Variants in EXOC2 observed in about 807,000 individuals in gnomAD.
EXOC2 encodes the protein SEC5-like 1.
Under a neutral mutation model 131.8 loss-of-function variants are expected in EXOC2, and 70 were observed. The ratio of observed to expected loss-of-function variants is 0.53; its 90% CI spans 0.44 to 0.65. The LOEUF (loss-of-function observed/expected upper bound fraction) is 0.65. Ranked by LOEUF, EXOC2 falls within the 30% of genes least tolerant of loss-of-function variation. EXOC2 has a pLI of 0.00. For missense variants in EXOC2, 923 were observed against 1,108.6 expected (o/e 0.83, Z 2.38); for synonymous variants, 411 against 398.4 (o/e 1.03, Z -0.38).
At chr6:635,888 C>A (rs1762077552) in intron 2 of EXOC2, among the ~76,000 whole-genome samples, 1 of 152,168 alleles carries the variant, frequency 6.6e-6, no homozygotes, top group Admixed American at 6.5e-5. Context: ...TGGTAAAACC[C>A]CATCTCTACT....
chr6:568,780 T>C (rs1241142116), intron 13 of EXOC2, among the ~76,000 whole-genome samples: 1 of 152,220 alleles, frequency 6.6e-6, no homozygotes, highest in Non-Finnish European at 1.5e-5. Context: ...TTTGTTCTAT[T>C]ACATATTTTT....
intron 27 of EXOC2, among the ~76,000 whole-genome samples, chr6:487,406 T>C (rs1356928020): frequency 6.6e-6 from 1 of 152,070 alleles, no homozygotes; most frequent in East Asian, 1.9e-4. Flanking sequence ...TACAGTCATC[T>C]AATTTTTTTT....
chr6:646,176 G>A (rs1271538341), intron 1 of EXOC2, among the ~76,000 whole-genome samples: 1 of 152,070 alleles, frequency 6.6e-6, no homozygotes. Flanking sequence ...TAGACAGTAT[G>A]GTACCAATAT....
At chr6:542,758 G>C (rs1259531337) in intron 22 of EXOC2, among the ~76,000 whole-genome samples, 3 of 152,226 alleles carry the variant, frequency 2.0e-5, no homozygotes, top group Non-Finnish European at 2.9e-5. Context: ...TTGAATGAGT[G>C]AATGAACAGA....
Position 572,814 on chromosome 6 carries a change from G to A in EXOC2, c.1319-170C>T, listed in dbSNP as rs764517922. ...ACCTGGCTGACACCGGCAGCGGTAC[G>A]CTCGTCACCAGACACCCCCGCATTT... On this transcript the variant is annotated intron_variant, in intron 12 of 27. Coordinates refer to ENST00000230449, the MANE Select transcript of EXOC2 (RefSeq NM_018303.6). 4.6e-5 allele frequency among the ~76,000 whole-genome samples: 7 copies of A among 152,330 alleles called. 1 individual carries two copies. The highest frequency in any genetic ancestry group is 1.5e-5 in the Non-Finnish European group (1 of 68,026).
intron 1 of EXOC2, chr6:656,617 G>A: frequency 6.2e-7 from 1 of 1,602,308 alleles, no homozygotes; most frequent in Non-Finnish European, 8.5e-7. Context: ...GTGAGGGAGG[G>A]GCGGCGCTTG....
chr6:499,747 A>G (rs745957209), intron 23 of EXOC2, 47 bp from the exon 24 acceptor site: 14 of 1,509,292 alleles, frequency 9.3e-6, no homozygotes, highest in Non-Finnish European at 1.3e-5. Context: ...TAATAACACA[A>G]GCTCCCCTCC....
chr6:687,387 TGCC>T (rs1764713250), intron 1 of EXOC2, among the ~76,000 whole-genome samples: 1 of 152,030 alleles, frequency 6.6e-6, no homozygotes, highest in South Asian at 2.1e-4. Context: ...CTCATTATGT[TGCC>T]CAGGCTGGTC....
intron 1 of EXOC2, among the ~76,000 whole-genome samples, chr6:649,069 C>A (rs1404305156): frequency 4.6e-5 from 7 of 152,022 alleles, no homozygotes; most frequent in Admixed American, 4.6e-4. Flanking sequence ...GCTGGAGGGC[C>A]GTGGAAATTC....
At chr6:673,630 G>A (rs77052367) in intron 1 of EXOC2, among the ~76,000 whole-genome samples, 6,810 of 152,100 alleles carry the variant, frequency 0.045, 255 homozygotes, top group African/African-American at 0.1. Context: ...AGATGCCATC[G>A]GCAAGGAGGG....
At chr6:666,075 T>C (rs1306668734) in intron 1 of EXOC2, among the ~76,000 whole-genome samples, 1 of 152,116 alleles carries the variant, frequency 6.6e-6, no homozygotes, top group Non-Finnish European at 1.5e-5. Context: ...ACTAGAAGAG[T>C]AGAGCTGAGT....
Position 623,675 on chromosome 6 carries a change from C to T in EXOC2, c.423-4132G>A, listed in dbSNP as rs1761409970. ...GCTGAAACACAGCCCCCCAATTGCC[C>T]CTTAACTGGGGAGAGATCAACCACC... is the stretch of plus-strand genomic sequence containing the variant. On this transcript the variant is annotated intron_variant, in intron 4 of 27. Coordinates refer to ENST00000230449, the MANE Select transcript of EXOC2 (RefSeq NM_018303.6). 2.6e-5 allele frequency among the ~76,000 whole-genome samples: 4 copies of T among 152,280 alleles called. No homozygotes were observed. The South Asian group carries it at 8.3e-4, about 32-fold the overall frequency.
intron 11 of EXOC2, among the ~76,000 whole-genome samples, chr6:585,167 C>A (rs1193736): frequency 0.55 from 83,053 of 151,278 alleles, 22,846 homozygotes; most frequent in Middle Eastern, 0.63. Flanking sequence ...TCAGGCTGGA[C>A]AAACACCATA....
chr6:640,663 G>C (rs773207679), intron 1 of EXOC2, among the ~76,000 whole-genome samples: 1 of 152,128 alleles, frequency 6.6e-6, no homozygotes, highest in African/African-American at 2.4e-5. Context: ...CACACAGAGG[G>C]AAGGACATAC....
At chr6:517,096 G>A (rs1454131734) in intron 23 of EXOC2, among the ~76,000 whole-genome samples, 1 of 152,206 alleles carries the variant, frequency 6.6e-6, no homozygotes, top group Admixed American at 6.5e-5. Flanking sequence ...GAGACTGAAC[G>A]AGAGCTATGG....
intron 11 of EXOC2, among the ~76,000 whole-genome samples, chr6:580,549 G>A (rs1253876389): frequency 6.6e-6 from 1 of 151,720 alleles, no homozygotes; most frequent in Non-Finnish European, 1.5e-5. Context: ...ATTACCTTGG[G>A]CCCTGATGAA....
At chr6:537,214 G>A (rs576032063) in intron 22 of EXOC2, among the ~76,000 whole-genome samples, 54 of 151,586 alleles carry the variant, frequency 3.6e-4, no homozygotes, top group Admixed American at 2.2e-3. Context: ...GATGACGACC[G>A]ACGGAGCGCA....
chr6:524,049 A>T (rs1765619441), intron 23 of EXOC2: 1 of 152,224 alleles, frequency 6.6e-6, no homozygotes, highest in Admixed American at 6.5e-5. Flanking sequence ...TTGAAGTTTG[A>T]TTATGTTAAA....
chr6:656,979 G>C, intron 1 of EXOC2: 1 of 1,482,204 alleles, frequency 6.7e-7, no homozygotes, highest in Non-Finnish European at 9.0e-7. Flanking sequence ...GGCCTCTGAG[G>C]GGGATTCCGC....
Sources: gnomAD v4.1 joint callset for allele counts (sites outside exome capture counted in the v4.1 genomes callset) on GRCh38, gnomAD v4.1.1 for gene constraint, MANE v1.5 for transcripts, NCBI Gene and HGNC (gene_info 2026-07-23, HGNC 2026-07-21) for gene names.